Variants in CUL2 observed in about 807,000 individuals in gnomAD.
CUL2 encodes cullin-2.
Under a neutral mutation model 110.2 loss-of-function variants are expected in CUL2, and 22 were observed. The observed-to-expected ratio is 0.20, with a 90% CI of 0.14 to 0.28. The LOEUF (loss-of-function observed/expected upper bound fraction) is 0.28. Among genes scored for constraint, CUL2 ranks in the 10% least tolerant of loss-of-function variants. The pLI, the probability that CUL2 is intolerant of heterozygous loss-of-function variation, is 1.00. For missense variants in CUL2, 631 were observed against 905.5 expected (o/e 0.70, Z 3.89); for synonymous variants, 279 against 293.2 (o/e 0.95, Z 0.49).
At chr10:35,030,655 T>C (rs1240297272) in intron 14 of CUL2, among the ~76,000 whole-genome samples, 1 of 152,180 alleles carries the variant, frequency 6.6e-6, no homozygotes. Context: ...AGTGCTACTA[T>C]TATAGGCATG....
At chr10:35,080,784 C>G (rs2086928354) in intron 1 of CUL2, among the ~76,000 whole-genome samples, 1 of 151,952 alleles carries the variant, frequency 6.6e-6, no homozygotes, top group Admixed American at 6.6e-5. Flanking sequence ...TTTACAAAAA[C>G]AAATGAGTTG....
Position 35,010,524 on chromosome 10 carries a change from C to A in CUL2, c.2107-82G>T, listed in dbSNP as rs185639326. 1.8e-4 allele frequency: 242 copies of A among 1,350,956 alleles called. 1 individual carries two copies. In the African/African-American group the frequency reaches 3.3e-3, roughly 18 times the overall value. The allele number at this position is 1,350,956 out of a possible 1,614,324, so 83.7% of individuals were successfully genotyped here. ...ACTTTTAACCAATCAGTTTAAAGTG[C>A]CTCAAATGTACTGAGGTTTCAACAA... On this transcript the variant is annotated intron_variant, in intron 20 of 20. Transcript: ENST00000374749.
At position 35,022,513 on chromosome 10, in the gene CUL2, C is replaced by T. The variant is rs145509225; in HGVS notation, c.1684+2619G>A. 2.5e-3 allele frequency among the ~76,000 whole-genome samples: 382 copies of T among 152,282 alleles called. 3 individuals are homozygous for T. The highest frequency in any genetic ancestry group is 8.9e-3 in the African/African-American group (370 of 41,532). ...ACAGAACTCTGAGAGATCTGTCCAG[C>T]CTCAGAGCCAGTGTTTTAAAGAAGT... is the stretch of plus-strand genomic sequence containing the variant. On this transcript the variant is annotated intron_variant, in intron 17 of 20. Transcript: ENST00000374749.
intron 1 of CUL2, among the ~76,000 whole-genome samples, chr10:35,123,675 T>C (rs1303527484): frequency 6.6e-6 from 1 of 152,152 alleles, no homozygotes; most frequent in East Asian, 1.9e-4. Context: ...AAAAGTGCCA[T>C]TAACATTGCT....
intron 9 of CUL2, among the ~76,000 whole-genome samples, chr10:35,038,264 G>A (rs895716378): frequency 2.6e-5 from 4 of 151,004 alleles, no homozygotes; most frequent in Non-Finnish European, 4.4e-5. Flanking sequence ...AGTGGCTCAC[G>A]CCTGTAATCC....
Position 35,062,987 on chromosome 10 carries a change from CA to C in CUL2, c.194del (p.Leu65TrpfsTer54). On this transcript the variant is annotated frameshift_variant, in exon 3 of 21. Transcript: ENST00000374749. LOFTEE classifies it high-confidence loss of function. ...TATGCAAATGCCGAACATGATTTTC[CA>C]AAAAAATCTTAGTTTCTGTATAAAG... is the stretch of plus-strand genomic sequence containing the variant. The part of the protein sequence containing the change: ...ERLYTETKIF[L>X]ENHVRHLHKR... The C allele has an allele frequency of 6.2e-7, 1 of 1,607,930 alleles. No individual in the cohort carries two copies. The highest frequency in any genetic ancestry group is 8.5e-7 in the Non-Finnish European group (1 of 1,174,972).
chr10:35,112,153 T>C (rs2087531164), intron 1 of CUL2, among the ~76,000 whole-genome samples: 1 of 152,236 alleles, frequency 6.6e-6, no homozygotes. Context: ...TCTTCCCTTC[T>C]GCACCCTATG....
chr10:35,018,387 T>TTA (rs1201212188), intron 17 of CUL2, among the ~76,000 whole-genome samples: 1 of 151,606 alleles, frequency 6.6e-6, no homozygotes, highest in African/African-American at 2.4e-5. Flanking sequence ...TCTCATAAAA[T>TTA]TACCCCAGAG....
Position 35,035,179 on chromosome 10 carries a change from T to C in CUL2, c.995A>G (p.Gln332Arg), listed in dbSNP as rs1306569086. ...EGLRATSNLT[Q>R]ENMPTLFVES... ...GTTTCCCACACAACTCACGTTTTCC[T>C]GAGTAAGGTTGCTGGTTGCTCGAAG... The change falls in exon 10 of 21, where the codon CAG becomes CGG. Residue 332 changes from glutamine (Q) to arginine (R), a missense_variant. Gln to Arg is a conservative substitution (Grantham distance 43). Transcript: ENST00000374749. 1.2e-6 allele frequency: 2 copies of C among 1,614,200 alleles called. No homozygotes were observed. Among genetic ancestry groups the C allele is most frequent in the Non-Finnish European group, 1.7e-6 (2 of 1,180,012 alleles).
At chr10:35,121,904 C>T (rs1373734178) in intron 1 of CUL2, among the ~76,000 whole-genome samples, 3 of 151,972 alleles carry the variant, frequency 2.0e-5, no homozygotes, top group Non-Finnish European at 4.4e-5. Context: ...TTATAATATC[C>T]TTTAGTGATA....
At chr10:35,021,831 C>CGAGGCGAGGT (rs1554853871) in intron 17 of CUL2, among the ~76,000 whole-genome samples, 1,638 of 66,376 alleles carry the variant, frequency 0.025, 69 homozygotes, top group African/African-American at 0.05. Flanking sequence ...TGAGGTGAGG[C>CGAGGCGAGGT]GAGGTGAGGT....
At chr10:35,106,317 T>C (rs2087455078) in intron 1 of CUL2, among the ~76,000 whole-genome samples, 1 of 149,162 alleles carries the variant, frequency 6.7e-6, no homozygotes, top group Non-Finnish European at 1.5e-5. Context: ...TTTTTTTTTG[T>C]GGGTTTTTTT....
chr10:35,125,637 A>G (rs992824583), intron 1 of CUL2, among the ~76,000 whole-genome samples: 1 of 152,270 alleles, frequency 6.6e-6, no homozygotes, highest in African/African-American at 2.4e-5. Flanking sequence ...GTTTTCAGTG[A>G]AACAACGTAC....
Position 35,031,629 on chromosome 10 carries a change from A to T in CUL2, c.1171-10T>A, listed in dbSNP as rs2085482232. The stretch of plus-strand genomic sequence containing the variant: ...CACAGTACTTAGCAAGCTCATGTAG[A>T]AATTGATAATAAATCTTACAAAGGG... On this transcript the variant is annotated splice_polypyrimidine_tract_variant and intron_variant, in intron 12 of 20. Transcript: ENST00000374749. The surrounding 1 kb of genome is among the most constrained non-coding windows in gnomAD (Gnocchi z 4.4). 6.2e-7 allele frequency: 1 copy of T among 1,613,612 alleles called. No individual in the cohort carries two copies. Among genetic ancestry groups the T allele is most frequent in the Non-Finnish European group, 8.5e-7 (1 of 1,179,938 alleles).
upstream of CUL2, among the ~76,000 whole-genome samples, chr10:35,095,322 CAAA>C (rs528275472): frequency 3.9e-5 from 4 of 102,890 alleles, no homozygotes; most frequent in Admixed American, 1.1e-4. Flanking sequence ...GACTCCATCT[CAAA>C]AAAAAAAAAA....
intron 18 of CUL2, among the ~76,000 whole-genome samples, chr10:35,014,075 T>A (rs2084968538): frequency 6.6e-6 from 1 of 152,234 alleles, no homozygotes; most frequent in Non-Finnish European, 1.5e-5. Flanking sequence ...CTATATACAC[T>A]ACTTTTTGAT....
chr10:35,118,173 T>C (rs1474213742), intron 1 of CUL2: 2 of 152,196 alleles, frequency 1.3e-5, no homozygotes, highest in Non-Finnish European at 1.5e-5. Flanking sequence ...GCCCAAAAAA[T>C]CCTGTGCACT....
At chr10:35,024,113 G>T (rs145146631) in intron 17 of CUL2, among the ~76,000 whole-genome samples, 1 of 152,164 alleles carries the variant, frequency 6.6e-6, no homozygotes. Flanking sequence ...GGGGTTACAG[G>T]TGTGAGCCAC....
chr10:35,017,114 G>C (rs1443776531), intron 17 of CUL2, among the ~76,000 whole-genome samples: 1 of 152,050 alleles, frequency 6.6e-6, no homozygotes, highest in African/African-American at 2.4e-5. Context: ...GCTCTCCCAG[G>C]TAAGGTTCAA....
Sources: allele counts gnomAD v4.1 joint callset (sites outside exome capture counted in the v4.1 genomes callset), GRCh38; gene constraint gnomAD v4.1.1; non-coding constraint Gnocchi (gnomAD v3.1); transcripts MANE v1.5; gene names NCBI Gene and HGNC (gene_info 2026-07-23, HGNC 2026-07-21).